OXR1: variants seen among roughly 807,000 people sequenced by gnomAD.
OXR1 encodes the protein oxidation resistance protein 1.
OXR1 carries 41 observed loss-of-function variants against 104.6 expected under a neutral mutation model. The ratio of observed to expected loss-of-function variants is 0.39; its 90% CI spans 0.31 to 0.51. OXR1 has a LOEUF of 0.51. Ranked by LOEUF, OXR1 falls within the 20% of genes least tolerant of loss-of-function variation. OXR1 has a pLI of 0.77. For synonymous variants in OXR1, 348 were observed against 348.4 expected (o/e 1.00, Z 0.01); for missense variants, 955 against 1,031.9 (o/e 0.93, Z 1.02).
intron 1 of OXR1, among the ~76,000 whole-genome samples, chr8:106,274,886 C>T (rs1811972990): frequency 1.3e-5 from 2 of 152,200 alleles, no homozygotes; most frequent in East Asian, 1.9e-4. Flanking sequence ...ATAGAATGCA[C>T]CTGTCATTGG....
intron 2 of OXR1, among the ~76,000 whole-genome samples, chr8:106,512,043 A>C (rs1401619245): frequency 1.3e-5 from 2 of 152,202 alleles, no homozygotes; most frequent in African/African-American, 4.8e-5. Flanking sequence ...TTTCAAAGCA[A>C]ACATTTATAC....
intron 3 of OXR1, among the ~76,000 whole-genome samples, chr8:106,596,280 T>C (rs969715690): frequency 6.6e-6 from 1 of 152,078 alleles, no homozygotes; most frequent in African/African-American, 2.4e-5. Context: ...ACTCTGTCTC[T>C]ACTAAAAAAT....
chr8:106,458,645 A>T (rs908925772), intron 2 of OXR1, among the ~76,000 whole-genome samples: 2 of 152,084 alleles, frequency 1.3e-5, no homozygotes, highest in Non-Finnish European at 2.9e-5. Flanking sequence ...TGGAGGCATG[A>T]GACTCTAACC....
At chr8:106,673,139 G>C (rs1294463660) in intron 3 of OXR1, among the ~76,000 whole-genome samples, 8 of 152,204 alleles carry the variant, frequency 5.3e-5, no homozygotes, top group Admixed American at 6.5e-5. Context: ...ATGTGGGAAA[G>C]TTTGGAACTT....
intron 2 of OXR1, among the ~76,000 whole-genome samples, chr8:106,485,132 C>T (rs1344551584): frequency 6.6e-6 from 1 of 151,780 alleles, no homozygotes; most frequent in South Asian, 2.1e-4. Context: ...ACTATGGATA[C>T]AACAAAAAAA....
At chr8:106,387,089 T>C (rs187401883) in intron 2 of OXR1, among the ~76,000 whole-genome samples, 11 of 152,272 alleles carry the variant, frequency 7.2e-5, no homozygotes, top group African/African-American at 2.4e-4. Flanking sequence ...AAGAAATTGT[T>C]ATGTAAGCTG....
intron 6 of OXR1, among the ~76,000 whole-genome samples, chr8:106,692,358 A>AG (rs957976364): frequency 3.3e-5 from 5 of 152,016 alleles, no homozygotes; most frequent in Non-Finnish European, 7.4e-5. Flanking sequence ...TATCAGAGTC[A>AG]GTGGTTTAAT....
chr8:106,481,410 CA>C (rs1235858557), intron 2 of OXR1, among the ~76,000 whole-genome samples: 1 of 151,932 alleles, frequency 6.6e-6, no homozygotes, highest in Non-Finnish European at 1.5e-5. Flanking sequence ...GAAGGCTTTT[CA>C]ATATTGATTT....
intron 2 of OXR1, among the ~76,000 whole-genome samples, chr8:106,374,599 A>G (rs2130385807): frequency 6.6e-6 from 1 of 152,356 alleles, no homozygotes; most frequent in Middle Eastern, 3.4e-3. Flanking sequence ...AGTTCAAACT[A>G]TTAATTATAG....
At chr8:106,426,514 A>G (rs2130550353) in intron 2 of OXR1, among the ~76,000 whole-genome samples, 1 of 152,296 alleles carries the variant, frequency 6.6e-6, no homozygotes, top group Non-Finnish European at 1.5e-5. Flanking sequence ...TTCTGGAATG[A>G]AAGTGATATT....
chr8:106,609,100 T>A (rs1380466022), intron 3 of OXR1, among the ~76,000 whole-genome samples: 1 of 152,072 alleles, frequency 6.6e-6, no homozygotes. Context: ...TCTTAGTTGA[T>A]CTTAGTAAAA....
intron 3 of OXR1, among the ~76,000 whole-genome samples, chr8:106,575,915 G>T (rs142870485): frequency 1.3e-5 from 2 of 151,172 alleles, no homozygotes; most frequent in Non-Finnish European, 2.9e-5. Context: ...GTAGAAAGGA[G>T]CAGCAGACAC....
At chr8:106,611,095 G>A (rs1282069993) in intron 3 of OXR1, among the ~76,000 whole-genome samples, 4 of 152,180 alleles carry the variant, frequency 2.6e-5, no homozygotes, top group South Asian at 4.1e-4. Flanking sequence ...TAAGTGGTAC[G>A]AAGAAGAAAC....
intron 3 of OXR1, among the ~76,000 whole-genome samples, chr8:106,537,202 T>A (rs539402175): frequency 6.6e-6 from 1 of 152,156 alleles, no homozygotes; most frequent in East Asian, 1.9e-4. Context: ...TATCATCACA[T>A]TGGGGATTCA....
At chr8:106,386,321 T>A (rs1817369472) in intron 2 of OXR1, among the ~76,000 whole-genome samples, 1 of 152,156 alleles carries the variant, frequency 6.6e-6, no homozygotes, top group South Asian at 2.1e-4. Flanking sequence ...CATTTTAAGT[T>A]TAAAATTTTT....
At chr8:106,700,424 C>T (rs369379351) in intron 7 of OXR1, among the ~76,000 whole-genome samples, 12 of 152,170 alleles carry the variant, frequency 7.9e-5, no homozygotes, top group East Asian at 7.7e-4. Flanking sequence ...AACAGATTAC[C>T]GCAGAAAGCC....
At chr8:106,555,169 C>G (rs575216549) in intron 3 of OXR1, among the ~76,000 whole-genome samples, 20 of 152,258 alleles carry the variant, frequency 1.3e-4, no homozygotes, top group Admixed American at 1.2e-3. Context: ...CTCCCCATTT[C>G]TCCCTCTGCC....
At chr8:106,542,549 C>T (rs749638190) in intron 3 of OXR1, among the ~76,000 whole-genome samples, 3 of 152,146 alleles carry the variant, frequency 2.0e-5, no homozygotes, top group Non-Finnish European at 4.4e-5. Flanking sequence ...GCATATATCA[C>T]ATATATGCAA....
chr8:106,360,059 T>A (rs919168250), intron 2 of OXR1, among the ~76,000 whole-genome samples: 4 of 152,186 alleles, frequency 2.6e-5, no homozygotes, highest in African/African-American at 9.6e-5. Flanking sequence ...TCAACAAATC[T>A]ACCCAGATTA....
Sources: allele counts gnomAD v4.1 joint callset (sites outside exome capture counted in the v4.1 genomes callset), GRCh38; gene constraint gnomAD v4.1.1; transcripts MANE v1.5; gene names NCBI Gene and HGNC (gene_info 2026-07-23, HGNC 2026-07-21).